Variants in ANKRD36C observed in about 807,000 individuals in gnomAD.
ANKRD36C encodes ankyrin repeat domain 36C.
ANKRD36C carries 61 observed loss-of-function variants against 276.4 expected under a neutral mutation model. The ratio of observed to expected loss-of-function variants is 0.22; its 90% CI spans 0.18 to 0.27. The LOEUF is 0.27. ANKRD36C is among the 10% of genes least tolerant of loss of function. The pLI, the probability that ANKRD36C is intolerant of heterozygous loss-of-function variation, is 1.00. For missense variants in ANKRD36C, 1,447 were observed against 2,032.3 expected (o/e 0.71, Z 5.54); for synonymous variants, 483 against 680.1 (o/e 0.71, Z 4.51).
At position 95,914,937 on chromosome 2, in the gene ANKRD36C, T is replaced by C. The variant is rs183539162; in HGVS notation, c.2450-634A>G. Among the ~76,000 whole-genome samples the C allele has an allele frequency of 7.5e-3, 1,140 of 151,540 alleles. 5 individuals are homozygous for C. The highest frequency in any genetic ancestry group is 0.011 in the Non-Finnish European group (763 of 67,648). On this transcript the variant is annotated intron_variant, in intron 38 of 66. Coordinates refer to ENST00000456556, the Ensembl canonical transcript of ANKRD36C. ...TTTCTTTCATCCACTAGTTTAGCCT[T>C]CCAAACGTTTCTTCATCCACTCATG...
chr2:95,889,862 C>G (rs1451788634), exon 48 of ANKRD36C: 9 of 1,604,650 alleles, frequency 5.6e-6, no homozygotes, highest in Middle Eastern at 1.7e-4. Context: ...TTTTCCTTGT[C>G]ACTTGTAGCC....
At chr2:95,924,704 C>T (rs1304913493) in intron 30 of ANKRD36C, among the ~76,000 whole-genome samples, 1 of 151,596 alleles carries the variant, frequency 6.6e-6, no homozygotes, top group African/African-American at 2.4e-5. Flanking sequence ...GAATGAGGCA[C>T]TGTGGTTTAT....
chr2:95,882,156 C>A (rs1676098322), intron 56 of ANKRD36C, 146 bp downstream of exon 76: 2 of 699,090 alleles, frequency 2.9e-6, no homozygotes, highest in Non-Finnish European at 4.9e-6. Flanking sequence ...ATCAACAACA[C>A]CTGACAACTC....
At position 95,956,765 on chromosome 2, in the gene ANKRD36C, A is replaced by T. The variant is rs905723141; in HGVS notation, c.1136+21T>A. ...ATTAACTAAGTTAACATATCACTTT[A>T]AAAAATCTGTGAAATCATACCTGTT... On this transcript the variant is annotated intron_variant, in intron 13 of 66. Transcript: ENST00000456556. The T allele has an allele frequency of 1.6e-5, 24 of 1,532,126 alleles. No homozygotes were observed. The African/African-American group carries it at 2.7e-4, about 18-fold the overall frequency. 94.9% of individuals were successfully genotyped at this position (1,532,126 alleles called of 1,614,324 possible).
At chr2:95,959,267 T>C (rs1236339726) in intron 10 of ANKRD36C, among the ~76,000 whole-genome samples, 1 of 151,838 alleles carries the variant, frequency 6.6e-6, no homozygotes, top group Admixed American at 6.6e-5. Flanking sequence ...GGCACTTTAG[T>C]TGAATGTACA....
rs370563932 is a variant in ANKRD36C at position 95,946,434 on chromosome 2, A to T, written c.1363-1260T>A. On this transcript the variant is annotated intron_variant, in intron 17 of 66. Transcript: ENST00000456556. The stretch of plus-strand genomic sequence containing the variant: ...CAGGTGCTGGAGAGGATGTGGAGAA[A>T]TAGGAACACTTTTACACTGTTGGTG... Among the ~76,000 whole-genome samples, 655 of 143,146 alleles carry T rather than the reference A, an allele frequency of 4.6e-3. 1 individual carries two copies. Among genetic ancestry groups the T allele is most frequent in the South Asian group, 0.02 (84 of 4,304 alleles). 93.9% of individuals were successfully genotyped at this position (143,146 alleles called of 152,430 possible).
At chr2:95,878,413 C>A (rs1425040810) in intron 58 of ANKRD36C, among the ~76,000 whole-genome samples, 3 of 152,108 alleles carry the variant, frequency 2.0e-5, no homozygotes, top group African/African-American at 7.2e-5. Context: ...TTTCATGGAA[C>A]TGTGATCTTA....
chr2:95,912,418 G>T (rs554743371), exon 41 of ANKRD36C: 9 of 1,604,424 alleles, frequency 5.6e-6, no homozygotes, highest in Admixed American at 1.7e-5. Flanking sequence ...TTCAAGGCTG[G>T]TTTTTTCCGA....
chr2:95,877,228 T>A (rs1373674590), intron 58 of ANKRD36C, among the ~76,000 whole-genome samples: 1 of 152,188 alleles, frequency 6.6e-6, no homozygotes, highest in Admixed American at 6.5e-5. Context: ...CTGTTTACAC[T>A]TTCATCAGTG....
At chr2:95,910,671 T>G (rs1676889554) in intron 42 of ANKRD36C, 103 bp from the exon 45 acceptor site, 1 of 1,573,420 alleles carries the variant, frequency 6.4e-7, no homozygotes, top group Admixed American at 1.8e-5. Flanking sequence ...CTGCCTGTAT[T>G]AGCGCAGGCT....
intron 39 of ANKRD36C, 28 bp from the exon 42 acceptor site, chr2:95,914,208 AG>A: frequency 6.4e-7 from 1 of 1,569,058 alleles, no homozygotes; most frequent in South Asian, 1.2e-5. Flanking sequence ...TGAAATAATA[AG>A]TTAATAAAGT....
At chr2:95,894,674 A>C (rs1050754602) in intron 44 of ANKRD36C, among the ~76,000 whole-genome samples, 3 of 151,400 alleles carry the variant, frequency 2.0e-5, no homozygotes, top group African/African-American at 7.3e-5. Context: ...ACGTATTCAT[A>C]TTCACGTTTA....
rs145913382 is a variant in ANKRD36C at position 95,893,618 on chromosome 2, T to G, written c.2756-1758A>C. The G allele has an allele frequency of 0.027, 42,882 of 1,570,312 alleles. 1,185 individuals carry two copies. Among genetic ancestry groups the G allele is most frequent in the Non-Finnish European group, 0.031 (36,230 of 1,150,902 alleles). ...CGTCACCTGTAGCCTGAATGGAATTTGAAATGAAATAATAAATAAAATATG... is the reference window on the plus strand; with the variant it reads ...CGTCACCTGTAGCCTGAATGGAATTGGAAATGAAATAATAAATAAAATATG... On this transcript the variant is annotated intron_variant, in intron 44 of 66. Coordinates refer to ENST00000456556, the Ensembl canonical transcript of ANKRD36C.
chr2:95,877,529 TGA>T (rs1457343696), intron 58 of ANKRD36C, among the ~76,000 whole-genome samples: 2 of 80,168 alleles, frequency 2.5e-5, no homozygotes, highest in Admixed American at 1.5e-4. Flanking sequence ...ATCATGATCC[TGA>T]GAGAGTAAGT....
chr2:95,881,070 G>A (rs1676067603), intron 56 of ANKRD36C, among the ~76,000 whole-genome samples: 1 of 152,138 alleles, frequency 6.6e-6, no homozygotes, highest in Non-Finnish European at 1.5e-5. Context: ...TCTGATAACT[G>A]AGAAGGTACA....
chr2:95,888,349 A>G (rs557159658), intron 48 of ANKRD36C, among the ~76,000 whole-genome samples: 3 of 151,814 alleles, frequency 2.0e-5, no homozygotes, highest in African/African-American at 7.2e-5. Context: ...GATTTGTCAT[A>G]TGTCCAAAAC....
chr2:95,917,707 T>C (rs1677142124), intron 36 of ANKRD36C, 148 bp downstream of exon 38: 2 of 1,137,424 alleles, frequency 1.8e-6, no homozygotes, highest in African/African-American at 3.2e-5. Context: ...CCCAAGAATT[T>C]ATTACAAATG....
downstream of ANKRD36C, among the ~76,000 whole-genome samples, chr2:95,850,730 TG>T (rs576841348): frequency 5.9e-5 from 9 of 152,374 alleles, no homozygotes; most frequent in South Asian, 1.9e-3. Context: ...AGATTTAAAA[TG>T]TCACTGGTCA....
In ANKRD36C at chr2:95,876,620, G is replaced by A. The variant is rs1325221294; in HGVS notation, c.3470-111C>T. On this transcript the variant is annotated intron_variant, in intron 58 of 66. Coordinates refer to ENST00000456556, the Ensembl canonical transcript of ANKRD36C. ...TAATCCCAGCACTTTGGGAGGCCGA[G>A]GCAGGTGGATCACGAGGTCAGGAGA... 1.1e-5 allele frequency: 7 copies of A among 639,186 alleles called. No homozygotes were observed. The East Asian group carries it at 2.1e-4, about 19-fold the overall frequency. 39.6% of individuals were successfully genotyped at this position (639,186 alleles called of 1,614,324 possible).
Sources: gnomAD v4.1 joint callset for allele counts (sites outside exome capture counted in the v4.1 genomes callset) on GRCh38, gnomAD v4.1.1 for gene constraint, MANE v1.5 for transcripts, NCBI Gene and HGNC (gene_info 2026-07-23, HGNC 2026-07-21) for gene names.